Variants in TAAR5 observed in about 807,000 individuals in gnomAD.
TAAR5 encodes trace amine-associated receptor 5.
TAAR5 carries 27 observed loss-of-function variants against 21.1 expected under a neutral mutation model. That is an observed-to-expected ratio of 1.28 (90% CI 0.94 to 1.76). TAAR5 has a LOEUF of 1.76. Among genes scored for constraint, TAAR5 ranks in the 40% most tolerant of loss-of-function variants. The pLI, the probability that TAAR5 is intolerant of heterozygous loss-of-function variation, is 0.00. For synonymous variants in TAAR5, 203 were observed against 167.5 expected (o/e 1.21, Z -1.64); for missense variants, 495 against 405.6 (o/e 1.22, Z -1.89).
rs1776847745 is a variant in TAAR5, at chr6:132,588,593, A to C, written c.*80T>G. On this transcript the variant is annotated 3_prime_UTR_variant, in exon 1 of 1. Transcript: ENST00000258034. ...GTCCTGGAAGCATGCCCACAAACTC[A>C]ACACCACACAGCCCACGGTCACAGT... 3 of 1,488,166 alleles carry C rather than the reference A, an allele frequency of 2.0e-6. No individual in the cohort carries two copies. In the East Asian group the frequency reaches 6.9e-5, roughly 34 times the overall value. 92.2% of individuals were successfully genotyped at this position (1,488,166 alleles called of 1,614,324 possible).
At position 132,588,690 on chromosome 6, in the gene TAAR5, C is replaced by A. The variant is rs755694748; in HGVS notation, c.997G>T (p.Asp333Tyr). Residue 333 changes from aspartate to tyrosine, a missense_variant, in exon 1 of 1, where the codon GAT (aspartate) becomes TAT (tyrosine). Physicochemically the swap from Asp to Tyr is radical, Grantham distance 160. Coordinates refer to ENST00000258034, the MANE Select transcript of TAAR5 (RefSeq NM_003967.3). ...KVFSPQTRTV[D>Y]LYQE ...AGAAGGAATCATTCTTGGTACAAAT[C>A]AACAGTGCGTGTCTGCGGTGAGAAG... is the stretch of plus-strand genomic sequence containing the variant. The A allele has an allele frequency of 3.1e-6, 5 of 1,612,296 alleles. No individual in the cohort carries two copies. The South Asian group carries it at 5.5e-5, about 18-fold the overall frequency.
Position 132,589,701 on chromosome 6 carries a change from C to T in TAAR5, c.-15G>A, listed in dbSNP as rs139987783. 4.3e-5 allele frequency: 52 copies of T among 1,223,246 alleles called. No individual in the cohort carries two copies. In the African/African-American group the frequency reaches 8.1e-4, roughly 19 times the overall value. 75.8% of individuals were successfully genotyped at this position (1,223,246 alleles called of 1,614,324 possible). Reference sequence around the variant, plus strand: ...ACAGCTCTCATTTATGATTTCTACTCTTCCTCTGTCTGAGAACTGGCCACC... The same window carrying T: ...ACAGCTCTCATTTATGATTTCTACTTTTCCTCTGTCTGAGAACTGGCCACC... On this transcript the variant is annotated 5_prime_UTR_variant, in exon 1 of 1. Transcript: ENST00000258034.
the TAAR5 span, among the ~76,000 whole-genome samples, chr6:132,606,942 T>C: frequency 6.6e-6 from 1 of 152,194 alleles, no homozygotes; most frequent in African/African-American, 2.4e-5. Context: ...ATGCCTGTAA[T>C]CCCAGCACTT....
the TAAR5 span, among the ~76,000 whole-genome samples, chr6:132,597,564 G>A: frequency 1.3e-5 from 2 of 152,082 alleles, no homozygotes; most frequent in South Asian, 4.1e-4. Context: ...GATAGATACA[G>A]CATTTTTTTA....
At chr6:132,589,814 A>T, upstream of TAAR5, 1 of 761,850 alleles carries the variant, frequency 1.3e-6, no homozygotes, top group Non-Finnish European at 2.0e-6. Flanking sequence ...AACGAAGAGG[A>T]AGAAACTAAA....
At chr6:132,596,944 T>A in the TAAR5 span, among the ~76,000 whole-genome samples, 9 of 152,168 alleles carry the variant, frequency 5.9e-5, no homozygotes, top group African/African-American at 2.2e-4. Context: ...CTTTCCTCAA[T>A]TCTTTTTAAA....
At chr6:132,604,133 C>CT in the TAAR5 span, among the ~76,000 whole-genome samples, 1 of 138,506 alleles carries the variant, frequency 7.2e-6, no homozygotes, top group Admixed American at 7.4e-5. Flanking sequence ...TTTTTCTTTT[C>CT]TTTTTTTCTT....
upstream of TAAR5, among the ~76,000 whole-genome samples, chr6:132,592,787 A>T (rs1390219180): frequency 6.6e-6 from 1 of 152,128 alleles, no homozygotes; most frequent in African/African-American, 2.4e-5. Flanking sequence ...AGCCTGCAGA[A>T]CCATAAGCCA....
the TAAR5 span, among the ~76,000 whole-genome samples, chr6:132,601,935 A>T: frequency 2.0e-5 from 3 of 152,250 alleles, no homozygotes; most frequent in African/African-American, 7.2e-5. Flanking sequence ...GAGAACAGAG[A>T]TTAAGGAGAG....
At chr6:132,607,946 G>A in the TAAR5 span, among the ~76,000 whole-genome samples, 303 of 152,220 alleles carry the variant, frequency 2.0e-3, 1 homozygote, top group African/African-American at 6.9e-3. Flanking sequence ...TCTCATGTAT[G>A]TAAATCTAGG....
chr6:132,592,576 G>C (rs1167240022), upstream of TAAR5, among the ~76,000 whole-genome samples: 1 of 152,304 alleles, frequency 6.6e-6, no homozygotes, highest in East Asian at 1.9e-4. Context: ...GAGGTGCTTG[G>C]ATCATGGGGG....
the TAAR5 span, among the ~76,000 whole-genome samples, chr6:132,598,554 C>T: frequency 1.3e-5 from 2 of 152,212 alleles, no homozygotes; most frequent in Non-Finnish European, 2.9e-5. Flanking sequence ...CTCACACTCA[C>T]ATCCTAGGAA....
the TAAR5 span, among the ~76,000 whole-genome samples, chr6:132,599,332 T>C: frequency 1.6e-4 from 23 of 142,998 alleles, no homozygotes; most frequent in African/African-American, 5.2e-4. Flanking sequence ...TCTTTTTTTT[T>C]TTTTTTTTTT....
upstream of TAAR5, among the ~76,000 whole-genome samples, chr6:132,591,933 G>A (rs1353737886): frequency 2.0e-5 from 3 of 152,210 alleles, no homozygotes; most frequent in Non-Finnish European, 4.4e-5. Flanking sequence ...AATTCATAAA[G>A]TGCAGTCTCT....
At chr6:132,608,827 A>T in the TAAR5 span, 1 of 455,888 alleles carries the variant, frequency 2.2e-6, no homozygotes, top group African/African-American at 2.0e-5. Context: ...AAATGCCAGC[A>T]GTTGCTTTAT....
At chr6:132,593,840 T>C (rs2114580615), upstream of TAAR5, among the ~76,000 whole-genome samples, 1 of 152,324 alleles carries the variant, frequency 6.6e-6, no homozygotes, top group African/African-American at 2.4e-5. Context: ...CATCAGTTCT[T>C]TCTGAAAAGG....
the TAAR5 span, among the ~76,000 whole-genome samples, chr6:132,610,370 A>G: frequency 6.6e-6 from 1 of 152,098 alleles, no homozygotes; most frequent in Non-Finnish European, 1.5e-5. Context: ...GCCTATGTTG[A>G]ATTCTCCCAA....
chr6:132,608,654 G>C, the TAAR5 span: 1 of 456,004 alleles, frequency 2.2e-6, no homozygotes, highest in Non-Finnish European at 4.4e-6. Context: ...ATGGAGCCAG[G>C]GGTAAAGAAA....
chr6:132,597,931 T>C, the TAAR5 span, among the ~76,000 whole-genome samples: 1 of 152,172 alleles, frequency 6.6e-6, no homozygotes, highest in Non-Finnish European at 1.5e-5. Context: ...GAAAAGGGGA[T>C]TTATGCAATA....
Sources: allele counts gnomAD v4.1 joint callset (sites outside exome capture counted in the v4.1 genomes callset), GRCh38; gene constraint gnomAD v4.1.1; transcripts MANE v1.5; gene names NCBI Gene and HGNC (gene_info 2026-07-23, HGNC 2026-07-21).